AK9: variants seen among roughly 807,000 people sequenced by gnomAD.
AK9 encodes adenylate kinase 9.
Under a neutral mutation model 239.6 loss-of-function variants are expected in AK9, and 191 were observed. The ratio of observed to expected loss-of-function variants is 0.80; its 90% CI spans 0.71 to 0.90. AK9 has a LOEUF of 0.90. Ranked by LOEUF, AK9 falls within the 40% of genes least tolerant of loss-of-function variation. AK9 has a pLI of 0.00. For synonymous variants in AK9, 689 were observed against 721.0 expected (o/e 0.96, Z 0.71); for missense variants, 1,995 against 2,214.7 (o/e 0.90, Z 1.99).
At chr6:109,579,504 G>T (rs1179986689) in intron 20 of AK9, 46 bp downstream of exon 20, 2 of 1,504,382 alleles carry the variant, frequency 1.3e-6, no homozygotes, top group East Asian at 2.5e-5. Flanking sequence ...ATTGCTTGCA[G>T]TAACAATACC....
intron 35 of AK9, among the ~76,000 whole-genome samples, chr6:109,500,644 A>G (rs757121224): frequency 3.3e-5 from 5 of 152,180 alleles, no homozygotes; most frequent in Admixed American, 1.3e-4. Context: ...GCAATGTACT[A>G]TTACAGCACT....
At chr6:109,685,171 C>T (rs901135951) in intron 1 of AK9, among the ~76,000 whole-genome samples, 6 of 152,000 alleles carry the variant, frequency 3.9e-5, no homozygotes, top group South Asian at 2.1e-4. Context: ...GACAGTGTGG[C>T]GATTCCTCAA....
Position 109,533,278 on chromosome 6 carries a change from C to T in AK9, c.3543G>A (p.Leu1181=). Residue 1181 remains leucine, a synonymous_variant, in exon 28 of 41, where the codon CTG becomes CTA. Transcript: ENST00000424296. ...TGATTTTTGCCTTCATGTCTTTGAT[C>T]AGTTTCTTCCTTTCTAATTTCTTCT... is the stretch of plus-strand genomic sequence containing the variant. ...KQKKKLERKK[L]IKDMKAKIRV... is the part of the protein sequence containing the mutation. The T allele has an allele frequency of 1.2e-6, 2 of 1,607,642 alleles. No individual in the cohort carries two copies. The highest frequency in any genetic ancestry group is 1.7e-5 in the Admixed American group (1 of 58,894).
chr6:109,510,338 C>T (rs1778596221), intron 32 of AK9, among the ~76,000 whole-genome samples: 1 of 152,056 alleles, frequency 6.6e-6, no homozygotes, highest in Non-Finnish European at 1.5e-5. Context: ...TCTCTGTTGA[C>T]AGTGGAGTAC....
intron 24 of AK9, among the ~76,000 whole-genome samples, chr6:109,558,380 A>C (rs1235957930): frequency 6.6e-6 from 1 of 152,206 alleles, no homozygotes; most frequent in African/African-American, 2.4e-5. Context: ...TAGGCCTATA[A>C]TACATTCTAA....
intron 25 of AK9, among the ~76,000 whole-genome samples, chr6:109,549,048 A>AG (rs1275509794): frequency 6.6e-6 from 1 of 152,182 alleles, no homozygotes; most frequent in African/African-American, 2.4e-5. Flanking sequence ...GAGTGCTTTG[A>AG]GAAAGTCAGC....
intron 24 of AK9, among the ~76,000 whole-genome samples, chr6:109,559,457 G>A (rs1785461555): frequency 6.6e-6 from 1 of 152,218 alleles, no homozygotes; most frequent in Non-Finnish European, 1.5e-5. Context: ...GTGAGCCACT[G>A]TGCCCGGCCT....
At chr6:109,668,196 C>T (rs1801529259) in intron 5 of AK9, among the ~76,000 whole-genome samples, 1 of 151,184 alleles carries the variant, frequency 6.6e-6, no homozygotes, top group South Asian at 2.1e-4. Context: ...GCAGAAATGT[C>T]TTCTTTTGAG....
intron 32 of AK9, among the ~76,000 whole-genome samples, chr6:109,511,893 T>C (rs1308575816): frequency 1.3e-5 from 2 of 152,226 alleles, no homozygotes; most frequent in Non-Finnish European, 2.9e-5. Context: ...GTTCACCTTG[T>C]GCTCTGGATG....
Position 109,515,896 on chromosome 6 carries a change from G to A in AK9, c.4026C>T (p.Tyr1342=), listed in dbSNP as rs368969763. The change falls in exon 31 of 41, where the codon TAC becomes TAT. Residue 1342 remains tyrosine (Y), a synonymous_variant. Transcript: ENST00000424296. ...AATAGCCGAATGAGCTTATATACTT[G>A]TAGGTAAAGGTGAGCATTTTCTGGG... ...PLAQKMLTFT[Y]KYISSFGYWD... 1.6e-4 allele frequency: 244 copies of A among 1,551,552 alleles called. No homozygotes were observed. Among genetic ancestry groups the A allele is most frequent in the Non-Finnish European group, 2.0e-4 (235 of 1,146,850 alleles).
intron 10 of AK9, among the ~76,000 whole-genome samples, chr6:109,634,964 G>A (rs560150904): frequency 4.7e-4 from 72 of 152,344 alleles, no homozygotes; most frequent in South Asian, 1.9e-3. Context: ...AGCAGGTGCC[G>A]AAGGGAGAAG....
intron 29 of AK9, among the ~76,000 whole-genome samples, chr6:109,524,948 T>C (rs957657603): frequency 6.6e-6 from 1 of 152,154 alleles, no homozygotes; most frequent in Non-Finnish European, 1.5e-5. Context: ...AAACGAAGCA[T>C]AGAGTTATAC....
At chr6:109,579,072 C>T (rs778530627) in intron 20 of AK9, among the ~76,000 whole-genome samples, 55 of 118,266 alleles carry the variant, frequency 4.7e-4, no homozygotes, top group Non-Finnish European at 8.1e-4. Flanking sequence ...TTTAAGTCCA[C>T]TGAAAAACTC....
intron 8 of AK9, among the ~76,000 whole-genome samples, chr6:109,653,051 T>C (rs1036405053): frequency 2.0e-5 from 3 of 152,024 alleles, no homozygotes; most frequent in Non-Finnish European, 2.9e-5. Flanking sequence ...CTCAGCCTCC[T>C]GAGTAGCTGG....
At chr6:109,591,533 T>C (rs1201450391) in intron 17 of AK9, among the ~76,000 whole-genome samples, 3 of 152,210 alleles carry the variant, frequency 2.0e-5, no homozygotes, top group African/African-American at 7.2e-5. Context: ...GTTAGTATTA[T>C]ATGTAGTATT....
At chr6:109,623,538 T>C (rs992718296) in intron 12 of AK9, among the ~76,000 whole-genome samples, 4 of 152,112 alleles carry the variant, frequency 2.6e-5, no homozygotes, top group African/African-American at 4.8e-5. Context: ...CAGCCCCAGA[T>C]GACATCTTAC....
intron 5 of AK9, 34 bp downstream of exon 5, chr6:109,671,885 T>C (rs1367199959): frequency 6.3e-7 from 1 of 1,594,462 alleles, no homozygotes; most frequent in Non-Finnish European, 8.6e-7. Context: ...TTAAGGCTGC[T>C]TTGTGGGCTG....
intron 24 of AK9, among the ~76,000 whole-genome samples, chr6:109,561,637 C>T (rs1238482366): frequency 6.6e-6 from 1 of 152,084 alleles, no homozygotes; most frequent in African/African-American, 2.4e-5. Flanking sequence ...CCCTTCAATA[C>T]ATTAAAGATG....
intron 5 of AK9, among the ~76,000 whole-genome samples, chr6:109,668,215 G>A (rs1262949951): frequency 2.6e-5 from 4 of 151,724 alleles, no homozygotes; most frequent in Non-Finnish European, 5.9e-5. Flanking sequence ...AGAAGTGTCT[G>A]TTCATATCCT....
Sources: gnomAD v4.1 joint callset for allele counts (sites outside exome capture counted in the v4.1 genomes callset) on GRCh38, gnomAD v4.1.1 for gene constraint, MANE v1.5 for transcripts, NCBI Gene and HGNC (gene_info 2026-07-23, HGNC 2026-07-21) for gene names.